Variants in HCRTR2 observed in about 807,000 individuals in gnomAD.
HCRTR2 encodes orexin receptor type 2.
HCRTR2 carries 22 observed loss-of-function variants against 49.0 expected under a neutral mutation model. The ratio of observed to expected loss-of-function variants is 0.45; its 90% CI spans 0.32 to 0.64. The LOEUF (loss-of-function observed/expected upper bound fraction) is 0.64. Among genes scored for constraint, HCRTR2 ranks in the 30% least tolerant of loss-of-function variants. HCRTR2 has a pLI of 0.04. For synonymous variants in HCRTR2, 236 were observed against 205.3 expected, an observed-to-expected ratio of 1.15 and a Z score of -1.28; for missense variants, 491 against 559.4, an observed-to-expected ratio of 0.88 and a Z score of 1.23.
chr6:55,170,952 G>A (rs1049977434), upstream of HCRTR2, among the ~76,000 whole-genome samples: 1 of 152,006 alleles, frequency 6.6e-6, no homozygotes, highest in African/African-American at 2.4e-5. Flanking sequence ...TGGTGTATAT[G>A]TGCCATATTT....
At chr6:55,200,222 C>G (rs1241062812) in intron 1 of HCRTR2, among the ~76,000 whole-genome samples, 3 of 126,760 alleles carry the variant, frequency 2.4e-5, no homozygotes, top group Non-Finnish European at 5.1e-5. Context: ...TGTTTTTGTA[C>G]TTGTTTGCTG....
intron 1 of HCRTR2, among the ~76,000 whole-genome samples, chr6:55,218,614 C>G (rs1238422525): frequency 6.6e-6 from 1 of 152,126 alleles, no homozygotes; most frequent in Non-Finnish European, 1.5e-5. Flanking sequence ...GCTCATTATA[C>G]TTATATCGGA....
chr6:55,277,536 A>G lies in HCRTR2; in HGVS notation c.919A>G (p.Met307Val). 6.2e-7 allele frequency: 1 copy of G among 1,614,040 alleles called. No individual in the cohort carries two copies. Among genetic ancestry groups the G allele is most frequent in the Non-Finnish European group, 8.5e-7 (1 of 1,179,978 alleles). Residue 307 changes from methionine (M) to valine (V), a missense_variant, in exon 5 of 7, where the codon ATG becomes GTG. Coordinates refer to ENST00000370862, the MANE Select transcript of HCRTR2 (RefSeq NM_001384272.1). Reference sequence around the variant, plus strand: ...CAGAAGGAAAACAGCCCGGATGTTGATGATTGTGCTTTTGGTATTTGCAAT... The same window carrying G: ...CAGAAGGAAAACAGCCCGGATGTTGGTGATTGTGCTTTTGGTATTTGCAAT... The part of the protein sequence containing the change: ...RARRKTARML[M>V]IVLLVFAICY...
intron 1 of HCRTR2, among the ~76,000 whole-genome samples, chr6:55,191,827 C>A (rs1273496756): frequency 6.6e-6 from 1 of 151,640 alleles, no homozygotes; most frequent in Non-Finnish European, 1.5e-5. Context: ...GAGAAGAAAA[C>A]ATAAGACTTT....
intron 4 of HCRTR2, among the ~76,000 whole-genome samples, chr6:55,266,588 C>G (rs557139874): frequency 6.6e-6 from 1 of 152,172 alleles, no homozygotes; most frequent in East Asian, 1.9e-4. Context: ...AGATTATCCC[C>G]TATTTCCTTA....
At chr6:55,142,019 T>A (rs1254241073) in intron 1 of HCRTR2, among the ~76,000 whole-genome samples, 1 of 152,166 alleles carries the variant, frequency 6.6e-6, no homozygotes, top group Admixed American at 6.5e-5. Flanking sequence ...ACAAAAAAGT[T>A]AAATGTGGTT....
intron 1 of HCRTR2, among the ~76,000 whole-genome samples, chr6:55,200,142 G>A (rs959091264): frequency 6.6e-6 from 1 of 151,496 alleles, no homozygotes; most frequent in Non-Finnish European, 1.5e-5. Flanking sequence ...ATTTATAGCC[G>A]AATCTAGAAA....
chr6:55,124,306 T>A (rs1401003926), intron 1 of HCRTR2, among the ~76,000 whole-genome samples: 1 of 152,204 alleles, frequency 6.6e-6, no homozygotes, highest in Non-Finnish European at 1.5e-5. Flanking sequence ...GAGATTCTGG[T>A]ATGTTATGTC....
intron 1 of HCRTR2, among the ~76,000 whole-genome samples, chr6:55,135,991 G>A (rs533157987): frequency 6.6e-6 from 1 of 152,256 alleles, no homozygotes; most frequent in African/African-American, 2.4e-5. Context: ...AACATTAATT[G>A]CATGCCTGCT....
At chr6:55,213,839 G>GA in intron 1 of HCRTR2, among the ~76,000 whole-genome samples, 1 of 152,264 alleles carries the variant, frequency 6.6e-6, no homozygotes, top group South Asian at 2.1e-4. Context: ...GTTTGGACTA[G>GA]CATGCACTCA....
chr6:55,161,567 A>G (rs190365202), intron 1 of HCRTR2, among the ~76,000 whole-genome samples: 159 of 152,286 alleles, frequency 1.0e-3, no homozygotes, highest in African/African-American at 3.7e-3. Context: ...AAAGATTAAC[A>G]AAATAGATAG....
downstream of HCRTR2, among the ~76,000 whole-genome samples, chr6:55,283,673 A>G (rs1028668357): frequency 6.6e-6 from 1 of 152,132 alleles, no homozygotes; most frequent in African/African-American, 2.4e-5. Context: ...CTAAAAGTAA[A>G]AGAAGTGTTT....
intron 1 of HCRTR2, among the ~76,000 whole-genome samples, chr6:55,162,208 A>G (rs916189849): frequency 3.9e-5 from 6 of 152,234 alleles, no homozygotes; most frequent in Non-Finnish European, 7.3e-5. Context: ...AATGTAATTC[A>G]TCACAAAAAC....
chr6:55,185,051 T>C (rs1765194422), intron 1 of HCRTR2, among the ~76,000 whole-genome samples: 1 of 152,194 alleles, frequency 6.6e-6, no homozygotes, highest in African/African-American at 2.4e-5. Context: ...GTTATGGAGG[T>C]GTGATTAAAT....
intron 1 of HCRTR2, among the ~76,000 whole-genome samples, chr6:55,220,080 G>C (rs931973192): frequency 2.0e-5 from 3 of 151,746 alleles, no homozygotes; most frequent in African/African-American, 7.3e-5. Flanking sequence ...AAAATCCCAG[G>C]ATCAGAAAAC....
chr6:55,113,337 C>A (rs187037831), intron 1 of HCRTR2, among the ~76,000 whole-genome samples: 1 of 152,090 alleles, frequency 6.6e-6, no homozygotes, highest in African/African-American at 2.4e-5. Context: ...GCAGAGTGAA[C>A]AGACAACCCA....
intron 1 of HCRTR2, among the ~76,000 whole-genome samples, chr6:55,190,592 T>C (rs1215828595): frequency 5.3e-5 from 8 of 152,212 alleles, no homozygotes; most frequent in Admixed American, 5.2e-4. Context: ...TACCTTTTTA[T>C]ACATTCCCCA....
chr6:55,173,227 C>T (rs1293140105), upstream of HCRTR2, among the ~76,000 whole-genome samples: 4 of 152,262 alleles, frequency 2.6e-5, no homozygotes, highest in South Asian at 2.1e-4. Context: ...AAAGACAAAT[C>T]GTGGCTTGAG....
chr6:55,181,796 T>G (rs1286870094), intron 1 of HCRTR2, among the ~76,000 whole-genome samples: 1 of 152,228 alleles, frequency 6.6e-6, no homozygotes, highest in Non-Finnish European at 1.5e-5. Flanking sequence ...CTTTTACTGG[T>G]CTTCAGCTAT....
Sources: allele counts gnomAD v4.1 joint callset (sites outside exome capture counted in the v4.1 genomes callset), GRCh38; gene constraint gnomAD v4.1.1; transcripts MANE v1.5; gene names NCBI Gene and HGNC (gene_info 2026-07-23, HGNC 2026-07-21).